Variants in CTNND2 observed in about 807,000 individuals in gnomAD.
CTNND2 encodes catenin delta-2.
CTNND2 carries 22 observed loss-of-function variants against 144.4 expected under a neutral mutation model. The observed-to-expected ratio is 0.15, with a 90% confidence interval of 0.11 to 0.22. CTNND2 has a LOEUF of 0.22. Ranked by LOEUF, CTNND2 falls within the 10% of genes least tolerant of loss-of-function variation. CTNND2 has a pLI of 1.00. For synonymous variants in CTNND2, 751 were observed against 695.6 expected (o/e 1.08, Z -1.25); for missense variants, 1,353 against 1,618.8 (o/e 0.84, Z 2.82).
chr5:10,977,514 G>A (rs921918260), intron 21 of CTNND2, among the ~76,000 whole-genome samples: 6 of 151,682 alleles, frequency 4.0e-5, no homozygotes, highest in Non-Finnish European at 8.8e-5. Flanking sequence ...GTGCAGTAGT[G>A]CAATTATGGC....
intron 1 of CTNND2, among the ~76,000 whole-genome samples, chr5:11,741,721 A>G (rs1788023545): frequency 6.7e-6 from 1 of 149,334 alleles, no homozygotes; most frequent in South Asian, 2.1e-4. Context: ...AGTATAATAA[A>G]AAATAAATTG....
chr5:11,757,352 T>C (rs780287288), intron 1 of CTNND2, among the ~76,000 whole-genome samples: 16 of 151,910 alleles, frequency 1.1e-4, no homozygotes, highest in Non-Finnish European at 1.6e-4. Flanking sequence ...TCATTTTTAG[T>C]TCTCTCCTCT....
chr5:11,590,047 A>AT (rs34867068), intron 2 of CTNND2, among the ~76,000 whole-genome samples: 76,774 of 144,328 alleles, frequency 0.53, 20,448 homozygotes, highest in Middle Eastern at 0.75. Context: ...GATTTTGTAA[A>AT]TTTTTTTTTT....
At position 11,129,043 on chromosome 5, in the gene CTNND2, T is replaced by C. The variant is rs868404179; in HGVS notation, c.2160-11476A>G. 7.6e-3 allele frequency among the ~76,000 whole-genome samples: 225 copies of C among 29,610 alleles called. 37 individuals carry two copies. The highest frequency in any genetic ancestry group is 0.017 in the South Asian group (13 of 760). 19.4% of individuals were successfully genotyped at this position (29,610 alleles called of 152,430 possible). ...ATAAATAAAAAATATAAATATATAT[T>C]ATATATAAATAAAATATATATTTTA... On this transcript the variant is annotated intron_variant, in intron 12 of 21. Transcript: ENST00000304623.
chr5:11,771,585 T>G (rs1484068860), intron 1 of CTNND2, among the ~76,000 whole-genome samples: 1 of 152,186 alleles, frequency 6.6e-6, no homozygotes, highest in African/African-American at 2.4e-5. Flanking sequence ...ACAATGTTGC[T>G]TTATCACATG....
chr5:11,319,794 T>A (rs1751854380), intron 9 of CTNND2, among the ~76,000 whole-genome samples: 1 of 152,264 alleles, frequency 6.6e-6, no homozygotes, highest in South Asian at 2.1e-4. Context: ...GTGCTGGGAT[T>A]ACAGGCGTGA....
chr5:11,587,599 C>G (rs1325881531), intron 2 of CTNND2, among the ~76,000 whole-genome samples: 1 of 151,994 alleles, frequency 6.6e-6, no homozygotes, highest in African/African-American at 2.4e-5. Flanking sequence ...CAAAGTCATT[C>G]AAATTTCATA....
intron 10 of CTNND2, among the ~76,000 whole-genome samples, chr5:11,201,917 C>A (rs1580572535): frequency 6.6e-6 from 1 of 152,132 alleles, no homozygotes; most frequent in African/African-American, 2.4e-5. Flanking sequence ...TTCATGTACC[C>A]AGATTATAAG....
At chr5:11,356,921 T>TA (rs1252526325) in intron 8 of CTNND2, among the ~76,000 whole-genome samples, 2 of 150,994 alleles carry the variant, frequency 1.3e-5, no homozygotes, top group South Asian at 2.1e-4. Flanking sequence ...AACAGGTATA[T>TA]AAAAAAAATG....
chr5:11,570,278 T>A (rs1261548561), intron 2 of CTNND2, among the ~76,000 whole-genome samples: 6 of 152,184 alleles, frequency 3.9e-5, no homozygotes, highest in Admixed American at 1.3e-4. Context: ...CTGGGATCTC[T>A]CTCCATCTTC....
intron 3 of CTNND2, among the ~76,000 whole-genome samples, chr5:11,524,609 A>G (rs1245272975): frequency 6.6e-6 from 1 of 152,170 alleles, no homozygotes; most frequent in African/African-American, 2.4e-5. Flanking sequence ...CGGATGCTAG[A>G]GGCCTAAGGA....
intron 8 of CTNND2, among the ~76,000 whole-genome samples, chr5:11,359,904 TTC>T (rs1163598419): frequency 1.6e-4 from 24 of 152,284 alleles, no homozygotes; most frequent in African/African-American, 5.5e-4. Context: ...TGAAATTTGT[TTC>T]TGTCACCATC....
At chr5:11,060,614 G>A (rs960091440) in intron 16 of CTNND2, among the ~76,000 whole-genome samples, 2 of 152,144 alleles carry the variant, frequency 1.3e-5, no homozygotes, top group Non-Finnish European at 2.9e-5. Flanking sequence ...TGGATAAACA[G>A]CCAAGATGCC....
chr5:11,002,003 A>G (rs1740010846), intron 18 of CTNND2, among the ~76,000 whole-genome samples: 1 of 152,256 alleles, frequency 6.6e-6, no homozygotes, highest in South Asian at 2.1e-4. Context: ...CATGGAGCTC[A>G]GAAGAAGATA....
At chr5:11,076,665 C>A (rs546682239) in intron 16 of CTNND2, among the ~76,000 whole-genome samples, 2 of 152,244 alleles carry the variant, frequency 1.3e-5, no homozygotes, top group East Asian at 3.9e-4. Context: ...TGGAAACAAC[C>A]CAAATGGAAA....
In CTNND2 at chr5:11,280,593, G is replaced by A. The variant is rs182638515; in HGVS notation, c.1629-43770C>T. 1.4e-4 allele frequency among the ~76,000 whole-genome samples: 21 copies of A among 152,214 alleles called. No individual in the cohort carries two copies. The East Asian group carries it at 2.3e-3, about 17-fold the overall frequency. On this transcript the variant is annotated intron_variant, in intron 9 of 21. Coordinates refer to ENST00000304623, the MANE Select transcript of CTNND2 (RefSeq NM_001332.4). ...TTTGTGACTTCATTTAATCTTAATC[G>A]CCTCTTCAAAGGACCTACCTCCAAT...
chr5:11,103,100 GCCT>G (rs746552183), intron 14 of CTNND2, among the ~76,000 whole-genome samples: 1 of 146,214 alleles, frequency 6.8e-6, no homozygotes. Context: ...TCCTGCCTCA[GCCT>G]CCTGAGTAGC....
chr5:11,534,932 G>A (rs1258650648), intron 3 of CTNND2, among the ~76,000 whole-genome samples: 1 of 151,750 alleles, frequency 6.6e-6, no homozygotes, highest in Non-Finnish European at 1.5e-5. Context: ...GCTGACACCT[G>A]TCCCAGCACT....
intron 3 of CTNND2, among the ~76,000 whole-genome samples, chr5:11,562,064 A>C (rs896228923): frequency 1.3e-5 from 2 of 151,962 alleles, no homozygotes; most frequent in Admixed American, 6.6e-5. Context: ...AAAAAGAGAG[A>C]GAGATCTTGG....
Sources: gnomAD v4.1 joint callset for allele counts (sites outside exome capture counted in the v4.1 genomes callset) on GRCh38, gnomAD v4.1.1 for gene constraint, MANE v1.5 for transcripts, NCBI Gene and HGNC (gene_info 2026-07-23, HGNC 2026-07-21) for gene names.